BPTF: variants seen among roughly 807,000 people sequenced by gnomAD.
The protein encoded by BPTF is nucleosome-remodeling factor subunit BPTF.
Under a neutral mutation model 292.5 loss-of-function variants are expected in BPTF, and 18 were observed. The ratio of observed to expected loss-of-function variants is 0.06; its 90% CI spans 0.04 to 0.09. The LOEUF (loss-of-function observed/expected upper bound fraction) is 0.09. Ranked by LOEUF, BPTF falls within the 10% of genes least tolerant of loss-of-function variation. The probability of loss-of-function intolerance (pLI) is 1.00; values close to 1 mark genes in which losing one functional copy is unlikely to be tolerated. For synonymous variants in BPTF, 1,225 were observed against 1,251.9 expected (o/e 0.98, Z 0.45); for missense variants, 2,726 against 3,498.7 (o/e 0.78, Z 5.57).
chr17:67,872,596 C>T (rs1478726970), intron 3 of BPTF, among the ~76,000 whole-genome samples: 1 of 151,932 alleles, frequency 6.6e-6, no homozygotes, highest in African/African-American at 2.4e-5. Context: ...GTCTCAGCTA[C>T]TTGGGAGGCT....
At chr17:67,903,947 G>C (rs764733639) in intron 8 of BPTF, 29 bp downstream of exon 8, 6 of 1,550,562 alleles carry the variant, frequency 3.9e-6, no homozygotes, top group Non-Finnish European at 5.2e-6. Flanking sequence ...CTTTAAAATA[G>C]TGTTAGCCAT....
intron 26 of BPTF, chr17:67,974,171 A>G (rs904315499): frequency 6.6e-6 from 1 of 152,134 alleles, no homozygotes; most frequent in Non-Finnish European, 1.5e-5. Context: ...TCTCTCAGAT[A>G]TTTATGTCAA....
rs781603564 is a variant in BPTF at position 67,911,632 on chromosome 17, A to G, written c.3748A>G (p.Lys1250Glu). 58 of 1,614,198 alleles carry G rather than the reference A, an allele frequency of 3.6e-5. No homozygotes were observed. The highest frequency in any genetic ancestry group is 4.7e-5 in the Non-Finnish European group (56 of 1,180,034). The part of the protein sequence containing the change: ...EESDTIVSSS[K>E]SALHSSVPKS... ...AAGTGACACCATTGTTTCTTCTTCCAAGAGTGCTTTACATTCATCAGTGCC... is the reference window on the plus strand; with the variant it reads ...AAGTGACACCATTGTTTCTTCTTCCGAGAGTGCTTTACATTCATCAGTGCC... Residue 1250 changes from lysine (K) to glutamate (E), a missense_variant, in exon 11 of 28, where the codon AAG (lysine) becomes GAG (glutamate). Physicochemically the swap from Lys to Glu is moderately conservative, Grantham distance 56. Transcript: ENST00000306378.
intron 18 of BPTF, among the ~76,000 whole-genome samples, chr17:67,937,832 C>T (rs777081996): frequency 3.9e-5 from 6 of 152,116 alleles, no homozygotes; most frequent in South Asian, 2.1e-4. Context: ...AGATGAGATC[C>T]GGCCGGGTAC....
chr17:67,942,969 G>A (rs782692669), intron 19 of BPTF, among the ~76,000 whole-genome samples: 1 of 152,134 alleles, frequency 6.6e-6, no homozygotes, highest in Admixed American at 6.5e-5. Context: ...GCCTGGAGGG[G>A]GCACTATTCC....
At chr17:67,978,232 C>T (rs1456688580) in intron 27 of BPTF, among the ~76,000 whole-genome samples, 43 of 151,922 alleles carry the variant, frequency 2.8e-4, no homozygotes, top group African/African-American at 8.9e-4. Flanking sequence ...AAGCGATCCT[C>T]CCACCAGCCT....
chr17:67,908,647 G>C (rs902063747), intron 9 of BPTF, among the ~76,000 whole-genome samples: 1 of 149,584 alleles, frequency 6.7e-6, no homozygotes, highest in African/African-American at 2.5e-5. Context: ...ACGCCACCAT[G>C]CCTGGCTAAT....
chr17:67,857,761 C>A (rs958232944), intron 2 of BPTF, among the ~76,000 whole-genome samples: 1 of 148,808 alleles, frequency 6.7e-6, no homozygotes, highest in Non-Finnish European at 1.5e-5. Flanking sequence ...GCCACTGCGT[C>A]TAGACTAACA....
chr17:67,833,704 G>A (rs1410073595), intron 1 of BPTF, among the ~76,000 whole-genome samples: 1 of 151,912 alleles, frequency 6.6e-6, no homozygotes, highest in African/African-American at 2.4e-5. Flanking sequence ...GAGTAGCTGG[G>A]ACTACAGGTG....
chr17:67,934,870 C>CAAAAAAAAAAAAAAA (rs569120237), intron 18 of BPTF, among the ~76,000 whole-genome samples: 1 of 91,008 alleles, frequency 1.1e-5, no homozygotes, highest in African/African-American at 5.7e-5. Flanking sequence ...AACTCTGTCT[C>CAAAAAAAAAAAAAAA]AAAAAAAAAA....
chr17:67,945,710 T>C lies in BPTF; in HGVS notation c.7002T>C (p.Asn2334=), dbSNP rs1305357508. Residue 2334 remains asparagine, a synonymous_variant, in exon 21 of 28, where the codon AAT becomes AAC. Transcript: ENST00000306378. The stretch of plus-strand genomic sequence containing the variant: ...CAGCACAGTCTCAGCCTCAAAGTAA[T>C]GTCCAAGGACAGTCTCCTGTTCGTG... ...QVAAQSQPQS[N]VQGQSPVRVQ... is the part of the protein sequence containing the mutation. 3 of 1,614,014 alleles carry C rather than the reference T, an allele frequency of 1.9e-6. No individual in the cohort carries two copies. The highest frequency in any genetic ancestry group is 1.3e-5 in the African/African-American group (1 of 74,890).
rs968130072 is a variant in BPTF at position 67,911,805 on chromosome 17, T to G, written c.3921T>G (p.Ile1307Met). 6 of 1,614,134 alleles carry G rather than the reference T, an allele frequency of 3.7e-6. No homozygotes were observed. The East Asian group carries it at 1.1e-4, about 30-fold the overall frequency. The change falls in exon 11 of 28, where the codon ATT becomes ATG. Residue 1307 changes from isoleucine (I) to methionine (M), a missense_variant. This residue lies in a region of BPTF where 713 missense variants were observed against 714.9 expected (regional missense o/e 1.00). Coordinates refer to ENST00000306378, the MANE Select transcript of BPTF (RefSeq NM_182641.4). ...AGGATAGCAGTGAAGAAGATATGAT[T>G]GTTCAGAATAGCAATGAAAGCATTT... ...SIQDSSEEDM[I>M]VQNSNESISE...
intron 15 of BPTF, among the ~76,000 whole-genome samples, chr17:67,925,053 T>G (rs1367653931): frequency 4.5e-5 from 5 of 112,260 alleles, no homozygotes; most frequent in South Asian, 2.2e-4. Flanking sequence ...CCATCCAGGT[T>G]TTTTTTTTTT....
At chr17:67,839,658 C>A (rs1444298062) in intron 1 of BPTF, among the ~76,000 whole-genome samples, 1 of 151,940 alleles carries the variant, frequency 6.6e-6, no homozygotes, top group African/African-American at 2.4e-5. Flanking sequence ...AGTAGCAGTC[C>A]CTTATATGAG....
At chr17:67,929,242 C>A in intron 16 of BPTF, 94 bp from the exon 17 acceptor site, 1 of 1,535,022 alleles carries the variant, frequency 6.5e-7, no homozygotes, top group Non-Finnish European at 8.8e-7. Context: ...ACTATAAAAC[C>A]CTGCCACACG....
chr17:67,894,144 G>A lies in BPTF; in HGVS notation c.2522G>A (p.Arg841Gln), dbSNP rs2061295940. ...VKPVVMLPIW[R>Q]ESLGHTRLHR... ...CCAGTTGTGATGCTACCAATATGGC[G>A]AGAATCTTTAGGACATACCAGGTAA... The change falls in exon 7 of 28, where the codon CGA (arginine) becomes CAA (glutamine). Residue 841 changes from arginine to glutamine, a missense_variant. By Grantham distance (43) the Arg-to-Gln change is conservative. Around this residue, in one of 22 missense-constraint regions of BPTF, gnomAD observed 99 missense variants for 227.1 expected, o/e 0.44. Transcript: ENST00000306378. 6 of 1,614,070 alleles carry A rather than the reference G, an allele frequency of 3.7e-6. No homozygotes were observed. Among genetic ancestry groups the A allele is most frequent in the East Asian group, 2.2e-5 (1 of 44,874 alleles).
rs374031452 is a variant in BPTF at position 67,893,613 on chromosome 17, G to A, written c.2299G>A (p.Gly767Ser). 5 of 1,611,450 alleles carry A rather than the reference G, an allele frequency of 3.1e-6. No individual in the cohort carries two copies. In the African/African-American group the frequency reaches 4.0e-5, roughly 13 times the overall value. Residue 767 changes from glycine to serine, a missense_variant, in exon 6 of 28, where the codon GGT (glycine) becomes AGT (serine). Physicochemically the swap from Gly to Ser is moderately conservative, Grantham distance 56. Around this residue, in one of 22 missense-constraint regions of BPTF, gnomAD observed 99 missense variants for 227.1 expected, o/e 0.44. Transcript: ENST00000306378. ...TCCAGCAGGAGAGTTCAAATGGAAC[G>A]GTTCTGTCCATGGGTCCAAAGTTCT... is the stretch of plus-strand genomic sequence containing the variant. ...LTPAGEFKWN[G>S]SVHGSKVLTI...
chr17:67,971,843 A>AG (rs1322193486), intron 26 of BPTF, among the ~76,000 whole-genome samples: 3 of 150,848 alleles, frequency 2.0e-5, no homozygotes, highest in Non-Finnish European at 2.9e-5. Flanking sequence ...AAAAAAAAAA[A>AG]AGAGAAGAAA....
At chr17:67,902,736 G>C (rs143495041) in intron 7 of BPTF, among the ~76,000 whole-genome samples, 13 of 152,148 alleles carry the variant, frequency 8.5e-5, no homozygotes, top group Admixed American at 7.2e-4. Context: ...AGTTTTTTGT[G>C]GGGGGAAAGG....
Sources: allele counts gnomAD v4.1 joint callset (sites outside exome capture counted in the v4.1 genomes callset), GRCh38; gene constraint gnomAD v4.1.1; regional missense constraint gnomAD v4.1.1; transcripts MANE v1.5; gene names NCBI Gene and HGNC (gene_info 2026-07-23, HGNC 2026-07-21).